Variants in NSUN6 observed in about 807,000 individuals in gnomAD.
The protein encoded by NSUN6 is tRNA (cytosine(72)-C(5))-methyltransferase NSUN6.
In NSUN6, 64 loss-of-function variants were observed where a neutral mutation model predicts 58.0. That is an observed-to-expected ratio of 1.10 (90% CI 0.90 to 1.36). The LOEUF is 1.36. NSUN6 is among the 40% of genes most tolerant of loss of function. The pLI, the probability that NSUN6 is intolerant of heterozygous loss-of-function variation, is 0.00. For missense variants in NSUN6, 701 were observed against 550.1 expected (o/e 1.27, Z -2.74); for synonymous variants, 231 against 193.9 (o/e 1.19, Z -1.59).
intron 6 of NSUN6, among the ~76,000 whole-genome samples, chr10:18,609,396 C>A (rs2058153608): frequency 6.6e-6 from 1 of 151,972 alleles, no homozygotes; most frequent in African/African-American, 2.4e-5. Context: ...AGTTCAGATA[C>A]CACCAGTTAC....
intron 3 of NSUN6, among the ~76,000 whole-genome samples, chr10:18,629,360 A>C (rs1166425872): frequency 2.0e-5 from 3 of 152,052 alleles, no homozygotes; most frequent in Admixed American, 1.3e-4. Flanking sequence ...CGAGCAAAAT[A>C]ACCAGCTAAC....
intron 8 of NSUN6, among the ~76,000 whole-genome samples, chr10:18,573,929 T>C (rs940883535): frequency 1.3e-5 from 2 of 152,106 alleles, no homozygotes; most frequent in African/African-American, 2.4e-5. Flanking sequence ...TAAACTGTTA[T>C]ATCGAAAATT....
At chr10:18,564,180 A>ACCATT (rs992110415) in intron 8 of NSUN6, among the ~76,000 whole-genome samples, 3 of 143,716 alleles carry the variant, frequency 2.1e-5, no homozygotes, top group African/African-American at 7.6e-5. Flanking sequence ...TCCATTCCAT[A>ACCATT]CCATTCCATT....
chr10:18,621,053 CAGG>C (rs907801064), intron 3 of NSUN6, among the ~76,000 whole-genome samples: 4 of 152,216 alleles, frequency 2.6e-5, no homozygotes, highest in Non-Finnish European at 4.4e-5. Flanking sequence ...ACTGAGATTT[CAGG>C]AGGTTTACTT....
intron 6 of NSUN6, among the ~76,000 whole-genome samples, chr10:18,608,503 G>A (rs1466393402): frequency 1.3e-5 from 2 of 151,958 alleles, no homozygotes; most frequent in Non-Finnish European, 2.9e-5. Flanking sequence ...AGGGTGCGGT[G>A]GCGCATGCTG....
upstream of NSUN6, chr10:18,652,824 G>T (rs1382908756): frequency 2.5e-6 from 2 of 808,906 alleles, no homozygotes; most frequent in Middle Eastern, 6.2e-4. Context: ...CTCCCAAAGT[G>T]CTGGGATTAC....
intron 8 of NSUN6, among the ~76,000 whole-genome samples, chr10:18,571,649 C>T (rs2056371423): frequency 6.6e-6 from 1 of 150,648 alleles, no homozygotes; most frequent in Non-Finnish European, 1.5e-5. Context: ...GCACTGCACT[C>T]CATTTCATTC....
chr10:18,616,699 C>A (rs1054498952), intron 3 of NSUN6, among the ~76,000 whole-genome samples: 6 of 152,124 alleles, frequency 3.9e-5, no homozygotes, highest in Admixed American at 1.3e-4. Flanking sequence ...ATAATTTAAA[C>A]AAGACAGGAA....
intron 8 of NSUN6, among the ~76,000 whole-genome samples, chr10:18,575,422 A>G (rs2056599356): frequency 6.6e-6 from 1 of 152,190 alleles, no homozygotes; most frequent in Non-Finnish European, 1.5e-5. Context: ...AGCTATCCCC[A>G]TTTCAAATGC....
chr10:18,582,261 G>A (rs1171762013), intron 8 of NSUN6, among the ~76,000 whole-genome samples: 1 of 152,142 alleles, frequency 6.6e-6, no homozygotes, highest in Non-Finnish European at 1.5e-5. Context: ...GTTAACAACT[G>A]CCTGACCGTC....
Position 18,648,647 on chromosome 10 carries a change from T to TG in NSUN6, c.76-3_76-2insC. The stretch of plus-strand genomic sequence containing the variant: ...TTGTTTACCTAAAGCAGTCACAATC[T>TG]AAAAAGAAGTTCATGTTTAAATTTC... On this transcript the variant is annotated splice_region_variant and splice_polypyrimidine_tract_variant and intron_variant, in intron 1 of 10. Transcript: ENST00000377304. The TG allele has an allele frequency of 6.9e-7, 1 of 1,456,348 alleles. No homozygotes were observed. Among genetic ancestry groups the TG allele is most frequent in the East Asian group, 2.6e-5 (1 of 38,742 alleles). 90.2% of individuals were successfully genotyped at this position (1,456,348 alleles called of 1,614,324 possible). A position where few individuals can be genotyped will look rare whatever the true frequency, so the allele number is the denominator to read the frequency against.
chr10:18,562,163 G>C (rs1038768052), intron 8 of NSUN6, among the ~76,000 whole-genome samples: 2 of 150,236 alleles, frequency 1.3e-5, no homozygotes, highest in African/African-American at 4.9e-5. Context: ...GAATGGAATA[G>C]AATGGAGAAT....
chr10:18,624,219 G>A (rs1156248897), intron 3 of NSUN6, among the ~76,000 whole-genome samples: 1 of 151,720 alleles, frequency 6.6e-6, no homozygotes, highest in Non-Finnish European at 1.5e-5. Flanking sequence ...TCTGAATAAG[G>A]ATTTACAAGC....
chr10:18,597,418 A>C (rs1292487723), intron 6 of NSUN6, among the ~76,000 whole-genome samples: 4 of 152,224 alleles, frequency 2.6e-5, no homozygotes, highest in African/African-American at 9.6e-5. Context: ...TAAAGCTTAA[A>C]GGTTTCAATT....
intron 8 of NSUN6, among the ~76,000 whole-genome samples, chr10:18,554,618 T>C (rs982015301): frequency 6.1e-5 from 9 of 148,580 alleles, no homozygotes; most frequent in Non-Finnish European, 9.0e-5. Context: ...GAAAAAGGAC[T>C]GGAGAATGGA....
At chr10:18,659,027 C>T (rs1210056974), upstream of NSUN6, among the ~76,000 whole-genome samples, 1 of 152,308 alleles carries the variant, frequency 6.6e-6, no homozygotes, top group East Asian at 1.9e-4. Context: ...GAGCAGCAAA[C>T]GGCGGCTGCT....
chr10:18,626,777 A>G (rs1359882601), intron 3 of NSUN6, among the ~76,000 whole-genome samples: 4 of 95,080 alleles, frequency 4.2e-5, no homozygotes, highest in Middle Eastern at 4.5e-3. Flanking sequence ...TGGGTGGGGG[A>G]AAAAAAAAGA....
chr10:18,598,311 C>T (rs930189411), intron 6 of NSUN6, among the ~76,000 whole-genome samples: 1 of 152,154 alleles, frequency 6.6e-6, no homozygotes, highest in Non-Finnish European at 1.5e-5. Context: ...AGACTCAGCC[C>T]GCCTGCACCC....
At chr10:18,627,128 T>A (rs558859161) in intron 3 of NSUN6, among the ~76,000 whole-genome samples, 9 of 152,332 alleles carry the variant, frequency 5.9e-5, no homozygotes, top group East Asian at 1.9e-4. Context: ...GACAAAAATC[T>A]TCTTCCAGAA....
Sources: gnomAD v4.1 joint callset for allele counts (sites outside exome capture counted in the v4.1 genomes callset) on GRCh38, gnomAD v4.1.1 for gene constraint, MANE v1.5 for transcripts, NCBI Gene and HGNC (gene_info 2026-07-23, HGNC 2026-07-21) for gene names.